PRB4: variants seen among roughly 807,000 people sequenced by gnomAD.
PRB4 encodes the protein basic salivary proline-rich protein 4.
In PRB4, 14 loss-of-function variants were observed where a neutral mutation model predicts 9.1. The observed-to-expected ratio is 1.54, with a 90% CI of 1.02 to 2.41. The LOEUF (loss-of-function observed/expected upper bound fraction) is 2.41. Among genes scored for constraint, PRB4 ranks in the 30% most tolerant of loss-of-function variants. PRB4 has a pLI of 0.00. For synonymous variants in PRB4, 102 were observed against 108.5 expected, an observed-to-expected ratio of 0.94 and a Z score of 0.37; for missense variants, 381 against 299.3, an observed-to-expected ratio of 1.27 and a Z score of -2.02.
chr12:11,307,881 G>C (rs181371035), intron 3 of PRB4, among the ~76,000 whole-genome samples: 1 of 152,326 alleles, frequency 6.6e-6, no homozygotes, highest in East Asian at 1.9e-4. Context: ...TGTGAGGCAG[G>C]ACTGAGCAAA....
chr12:11,309,911 A>G (rs550520916), intron 1 of PRB4, among the ~76,000 whole-genome samples: 1 of 152,290 alleles, frequency 6.6e-6, no homozygotes, highest in South Asian at 2.1e-4. Flanking sequence ...CAAGTGTTCT[A>G]TCCAGTTCTG....
In PRB4 at chr12:11,308,221, C is replaced by A. The variant is rs749141171; in HGVS notation, c.*18G>T. ...GATGAATAATAAAGTGGAATCATACCTGTCATTGAATCCTAGATTACTGGG... is the reference window on the plus strand; with the variant it reads ...GATGAATAATAAAGTGGAATCATACATGTCATTGAATCCTAGATTACTGGG... On this transcript the variant is annotated splice_region_variant and 3_prime_UTR_variant, in exon 3 of 4. Transcript: ENST00000279575. 3.1e-6 allele frequency: 5 copies of A among 1,606,758 alleles called. No homozygotes were observed. In the East Asian group the frequency reaches 1.1e-4, roughly 36 times the overall value.
In PRB4 at chr12:11,309,363, G is replaced by A. The variant is rs371561767; in HGVS notation, c.100+7C>T. 30 of 1,614,132 alleles carry A rather than the reference G, an allele frequency of 1.9e-5. No homozygotes were observed. In the African/African-American group the frequency reaches 3.5e-4, roughly 19 times the overall value. On this transcript the variant is annotated splice_region_variant and intron_variant, in intron 2 of 3. Transcript: ENST00000279575. Reference sequence around the variant, plus strand: ...TCAAAACAGATTGAGAATGAATTGGGATTTACCTGATATTAGGAAGAGAGA... The same window carrying A: ...TCAAAACAGATTGAGAATGAATTGGAATTTACCTGATATTAGGAAGAGAGA...
At position 11,308,790 on chromosome 12, in the gene PRB4, C is replaced by G. The variant is rs550049358; in HGVS notation, c.193G>C (p.Gly65Arg). ...GKPQGPPPQG[G>R]NQSQGPPPPP... ...GGTGGGGGACCTTGGGACTGGTTTC[C>G]TCCTTGTGGGGGTGGTCCTTGTGGC... The change falls in exon 3 of 4, where the codon GGA becomes CGA. Residue 65 changes from glycine (G) to arginine (R), a missense_variant. Physicochemically the swap from Gly to Arg is moderately radical, Grantham distance 125. Coordinates refer to ENST00000279575, the MANE Select transcript of PRB4 (RefSeq NM_002723.6). The G allele has an allele frequency of 8.2e-6, 13 of 1,591,232 alleles. No individual in the cohort carries two copies. The highest frequency in any genetic ancestry group is 1.1e-5 in the Non-Finnish European group (13 of 1,167,524).
intron 3 of PRB4, among the ~76,000 whole-genome samples, chr12:11,307,566 T>C (rs1862942523): frequency 5.9e-5 from 9 of 152,170 alleles, no homozygotes; most frequent in Admixed American, 5.9e-4. Flanking sequence ...ATGACTAACA[T>C]ATATACCTGC....
At chr12:11,309,673 T>G (rs1863007928) in intron 1 of PRB4, among the ~76,000 whole-genome samples, 1 of 152,172 alleles carries the variant, frequency 6.6e-6, no homozygotes, top group Non-Finnish European at 1.5e-5. Flanking sequence ...CTTATTTAGT[T>G]TATGCATGCC....
chr12:11,309,788 T>C (rs1863010557), intron 1 of PRB4, among the ~76,000 whole-genome samples: 1 of 152,228 alleles, frequency 6.6e-6, no homozygotes, highest in Non-Finnish European at 1.5e-5. Flanking sequence ...GAAGTAATCA[T>C]TTCAATACAA....
chr12:11,309,802 A>T (rs955716604), intron 1 of PRB4, among the ~76,000 whole-genome samples: 2 of 152,192 alleles, frequency 1.3e-5, no homozygotes, highest in Admixed American at 1.3e-4. Context: ...AATACAATCT[A>T]ACCCATTCCA....
Position 11,309,695 on chromosome 12 carries a change from T to A in PRB4, c.65-290A>T, listed in dbSNP as rs147562835. Among the ~76,000 whole-genome samples the A allele has an allele frequency of 1.4e-4, 22 of 152,302 alleles. No homozygotes were observed. In the South Asian group the frequency reaches 1.7e-3, roughly 11 times the overall value. Reference sequence around the variant, plus strand: ...AGTTTATGCATGCCAGGTACTTCAATGTGATATTTTGGTGTTCTTATGCCC... The same window carrying A: ...AGTTTATGCATGCCAGGTACTTCAAAGTGATATTTTGGTGTTCTTATGCCC... On this transcript the variant is annotated intron_variant, in intron 1 of 3. Transcript: ENST00000279575.
At chr12:11,308,166 A>C in intron 3 of PRB4, 55 bp downstream of exon 3, 1 of 1,544,616 alleles carries the variant, frequency 6.5e-7, no homozygotes, top group East Asian at 2.2e-5. Context: ...TGGCACAATA[A>C]AGTTGGAGAA....
At chr12:11,310,225 A>G (rs1387557838) in intron 1 of PRB4, 110 bp downstream of exon 1, 3 of 1,403,544 alleles carry the variant, frequency 2.1e-6, no homozygotes, top group Non-Finnish European at 3.0e-6. Context: ...CCTAGGCATG[A>G]AAACTCTGCA....
intron 3 of PRB4, 62 bp from the exon 4 acceptor site, chr12:11,307,261 G>A (rs1292181382): frequency 6.6e-6 from 1 of 152,638 alleles, no homozygotes; most frequent in African/African-American, 2.4e-5. Flanking sequence ...CACACAATGT[G>A]CTCCAAATTG....
intron 3 of PRB4, among the ~76,000 whole-genome samples, chr12:11,307,796 C>T (rs1470899851): frequency 6.6e-6 from 1 of 152,128 alleles, no homozygotes; most frequent in Non-Finnish European, 1.5e-5. Flanking sequence ...AGTTAAGTAT[C>T]TAAAAAGTGA....
At position 11,308,711 on chromosome 12, in the gene PRB4, C is replaced by A; in HGVS notation, c.272G>T (p.Gly91Val). ...TGGCTTTCCTGGATGAGGTGGGGGA[C>A]CTTGGGACTGGTTGCCTCCTTGTGG... is the stretch of plus-strand genomic sequence containing the variant. ...RPPQGGNQSQ[G>V]PPPHPGKPER... The change falls in exon 3 of 4, where the codon GGT becomes GTT. Residue 91 changes from glycine (G) to valine (V), a missense_variant. Around this residue, in one of 3 missense-constraint regions of PRB4, gnomAD observed 151 missense variants for 105.8 expected, o/e 1.43. Coordinates refer to ENST00000279575, the MANE Select transcript of PRB4 (RefSeq NM_002723.6). 1 of 1,611,812 alleles carries A rather than the reference C, an allele frequency of 6.2e-7. No individual in the cohort carries two copies. The highest frequency in any genetic ancestry group is 1.1e-5 in the South Asian group (1 of 90,884).
chr12:11,308,595 G>T lies in PRB4; in HGVS notation c.388C>A (p.Gln130Lys). The T allele has an allele frequency of 8.9e-6, 14 of 1,565,600 alleles. No homozygotes were observed. Among genetic ancestry groups the T allele is most frequent in the Non-Finnish European group, 1.2e-5 (14 of 1,152,738 alleles). Residue 130 changes from glutamine to lysine, a missense_variant, in exon 3 of 4, where the codon CAG becomes AAG. Physicochemically the swap from Gln to Lys is moderately conservative, Grantham distance 53. Coordinates refer to ENST00000279575, the MANE Select transcript of PRB4 (RefSeq NM_002723.6). ...PERPPPQGGN[Q>K]SHRPPPPPGK... ...GGAGGAGGTGGGGGACGGTGGGACTGGTTGCCTCCTTGTGGGGGTGGTCTT... is the reference window on the plus strand; with the variant it reads ...GGAGGAGGTGGGGGACGGTGGGACTTGTTGCCTCCTTGTGGGGGTGGTCTT...
chr12:11,309,514 G>A (rs1210955740), intron 1 of PRB4, 109 bp from the exon 2 acceptor site: 6 of 1,596,890 alleles, frequency 3.8e-6, no homozygotes, highest in Non-Finnish European at 5.1e-6. Flanking sequence ...GCATCCCCTA[G>A]GTTAACTCAT....
chr12:11,307,965 A>G (rs535589316), intron 3 of PRB4, among the ~76,000 whole-genome samples: 1 of 152,212 alleles, frequency 6.6e-6, no homozygotes, highest in South Asian at 2.1e-4. Flanking sequence ...AAGAATGAAC[A>G]TGGTACTACC....
At chr12:11,309,618 G>A (rs1280437749) in intron 1 of PRB4, among the ~76,000 whole-genome samples, 8 of 152,160 alleles carry the variant, frequency 5.3e-5, no homozygotes, top group African/African-American at 1.7e-4. Context: ...GTTCAACATA[G>A]AACAGCCCCT....
intron 2 of PRB4, among the ~76,000 whole-genome samples, 196 bp downstream of exon 2, chr12:11,309,174 C>T (rs1862996055): frequency 6.6e-6 from 1 of 152,174 alleles, no homozygotes; most frequent in Non-Finnish European, 1.5e-5. Flanking sequence ...CTAAGCCAAG[C>T]ATCTCTGACA....
Sources: gnomAD v4.1 joint callset for allele counts (sites outside exome capture counted in the v4.1 genomes callset) on GRCh38, gnomAD v4.1.1 for gene constraint, gnomAD v4.1.1 regional missense constraint, MANE v1.5 for transcripts, NCBI Gene and HGNC (gene_info 2026-07-23, HGNC 2026-07-21) for gene names.